Variants in SLC47A2 observed in about 807,000 individuals in gnomAD.
The protein encoded by SLC47A2 is multidrug and toxin extrusion protein 2.
In SLC47A2, 52 loss-of-function variants were observed where a neutral mutation model predicts 67.7. The ratio of observed to expected loss-of-function variants is 0.77; its 90% CI spans 0.61 to 0.97. SLC47A2 has a LOEUF of 0.97. SLC47A2 is among the 50% of genes least tolerant of loss of function. The pLI, the probability that SLC47A2 is intolerant of heterozygous loss-of-function variation, is 0.00. For synonymous variants in SLC47A2, 278 were observed against 292.9 expected, an observed-to-expected ratio of 0.95 and a Z score of 0.52; for missense variants, 676 against 712.3, an observed-to-expected ratio of 0.95 and a Z score of 0.58.
chr17:19,713,776 GC>G (rs2086168145), intron 4 of SLC47A2, 48 bp downstream of exon 4: 2 of 1,581,250 alleles, frequency 1.3e-6, no homozygotes, highest in African/African-American at 2.7e-5. Context: ...TCCCTCGGCG[GC>G]CCGGGTTTCC....
intron 16 of SLC47A2, 138 bp downstream of exon 16, chr17:19,679,814 C>A (rs923898939): frequency 1.1e-4 from 94 of 825,794 alleles, no homozygotes; most frequent in Non-Finnish European, 1.5e-4. Context: ...CTTAGGACAT[C>A]ATTTTCATAA....
Position 19,716,552 on chromosome 17 carries a change from C to A in SLC47A2, c.4G>T (p.Asp2Tyr). The A allele has an allele frequency of 1.2e-6, 2 of 1,601,536 alleles. No homozygotes were observed. Among genetic ancestry groups the A allele is most frequent in the Non-Finnish European group, 1.7e-6 (2 of 1,175,006 alleles). The change falls in exon 1 of 17, where the codon GAC (aspartate) becomes TAC (tyrosine). Residue 2 changes from aspartate (D) to tyrosine (Y), a missense_variant. Physicochemically the swap from Asp to Tyr is radical, Grantham distance 160. Coordinates refer to ENST00000433844, the MANE Select transcript of SLC47A2 (RefSeq NM_001099646.3). M[D>Y]SLQDTVALDH... ...AGGGCCACTGTGTCCTGGAGGCTGT[C>A]CATTCCTGGCCGGGGCACTGGCTAC...
intron 13 of SLC47A2, among the ~76,000 whole-genome samples, chr17:19,684,812 C>T (rs898061865): frequency 2.7e-5 from 4 of 147,878 alleles, no homozygotes; most frequent in African/African-American, 1.1e-4. Context: ...TACTTTTCGC[C>T]CTCTCCCTCT....
At chr17:19,699,705 T>C (rs2085744114) in intron 13 of SLC47A2, among the ~76,000 whole-genome samples, 1 of 152,218 alleles carries the variant, frequency 6.6e-6, no homozygotes, top group South Asian at 2.1e-4. Context: ...GCATGAGCTC[T>C]ACTGCACCTG....
chr17:19,679,152 T>C (rs558617853), intron 16 of SLC47A2, among the ~76,000 whole-genome samples: 2 of 152,316 alleles, frequency 1.3e-5, no homozygotes, highest in South Asian at 4.1e-4. Flanking sequence ...TAGGATCTCA[T>C]GAGGAGTGTT....
At chr17:19,697,821 C>G (rs1055460816) in intron 13 of SLC47A2, among the ~76,000 whole-genome samples, 15 of 151,984 alleles carry the variant, frequency 9.9e-5, no homozygotes, top group Admixed American at 2.6e-4. Context: ...TCTTGACCTC[C>G]CGGGCTCAAG....
At chr17:19,709,752 T>G (rs2086046067) in intron 5 of SLC47A2, among the ~76,000 whole-genome samples, 1 of 152,104 alleles carries the variant, frequency 6.6e-6, no homozygotes, top group South Asian at 2.1e-4. Flanking sequence ...GCAATTAACT[T>G]TTGCAGCTGC....
In SLC47A2 at chr17:19,713,881, G is replaced by T; in HGVS notation, c.387C>A (p.Leu129=). 6.2e-7 allele frequency: 1 copy of T among 1,613,836 alleles called. No individual in the cohort carries two copies. Among genetic ancestry groups the T allele is most frequent in the South Asian group, 1.1e-5 (1 of 91,072 alleles). ...GCAGGATGTGCTGGGTGTTGAGGAAGAGCGCCCAGCAAGGGAGGCAGCAGA... is the reference window on the plus strand; with the variant it reads ...GCAGGATGTGCTGGGTGTTGAGGAATAGCGCCCAGCAAGGGAGGCAGCAGA... ...LLLCCLPCWA[L]FLNTQHILLL... Residue 129 remains leucine (L), a synonymous_variant, in exon 4 of 17, where the codon CTC becomes CTA. Transcript: ENST00000433844.
At chr17:19,707,895 G>T (rs768160500) in intron 7 of SLC47A2, 52 bp from the exon 8 acceptor site, 3 of 1,497,642 alleles carry the variant, frequency 2.0e-6, no homozygotes, top group East Asian at 2.5e-5. Flanking sequence ...CTCTGCCACC[G>T]CCCTGCCTGA....
chr17:19,680,496 C>T (rs2085289956), intron 15 of SLC47A2, among the ~76,000 whole-genome samples: 1 of 152,088 alleles, frequency 6.6e-6, no homozygotes, highest in African/African-American at 2.4e-5. Context: ...ATAAATGTAT[C>T]ATTTTAAATA....
At chr17:19,705,583 T>C in intron 9 of SLC47A2, 80 bp from the exon 10 acceptor site, 2 of 1,403,526 alleles carry the variant, frequency 1.4e-6, no homozygotes, top group Non-Finnish European at 1.9e-6. Context: ...TGCTTTGCTT[T>C]GGGGACTCAG....
chr17:19,714,834 C>A (rs1240131337), intron 2 of SLC47A2, 45 bp from the exon 3 acceptor site: 2 of 1,612,130 alleles, frequency 1.2e-6, no homozygotes, highest in African/African-American at 2.7e-5. Context: ...CAGGTGAGGC[C>A]TGAAGAGAGG....
At chr17:19,691,335 T>G in intron 13 of SLC47A2, among the ~76,000 whole-genome samples, 1 of 152,188 alleles carries the variant, frequency 6.6e-6, no homozygotes, top group South Asian at 2.1e-4. Context: ...TAGCCGAGAT[T>G]TGCAAGCAAC....
chr17:19,681,338 T>C, intron 15 of SLC47A2, 29 bp downstream of exon 15: 1 of 1,559,346 alleles, frequency 6.4e-7, no homozygotes, highest in Non-Finnish European at 8.7e-7. Flanking sequence ...GCAGGGTGTC[T>C]TGTGGCCAGG....
At chr17:19,715,042 C>G in intron 2 of SLC47A2, 74 bp downstream of exon 2, 2 of 1,510,004 alleles carry the variant, frequency 1.3e-6, no homozygotes, top group Admixed American at 1.7e-5. Flanking sequence ...CCACCCAAGA[C>G]GGGCCCACCC....
chr17:19,703,200 C>A lies in SLC47A2; in HGVS notation c.1019-33G>T, dbSNP rs770414422. 10 of 1,605,020 alleles carry A rather than the reference C, an allele frequency of 6.2e-6. No individual in the cohort carries two copies. In the East Asian group the frequency reaches 1.3e-4, roughly 21 times the overall value. On this transcript the variant is annotated intron_variant, in intron 11 of 16. Coordinates refer to ENST00000433844, the MANE Select transcript of SLC47A2 (RefSeq NM_001099646.3). ...AGACAAAAGGTGCAGCAATGACAGACCCCAAGCCAGGAAGCACCCTTGCTC... is the reference window on the plus strand; with the variant it reads ...AGACAAAAGGTGCAGCAATGACAGAACCCAAGCCAGGAAGCACCCTTGCTC...
intron 9 of SLC47A2, among the ~76,000 whole-genome samples, chr17:19,706,233 C>G (rs1292182708): frequency 2.0e-5 from 3 of 152,216 alleles, no homozygotes; most frequent in African/African-American, 7.2e-5. Context: ...ACCGAGTGCT[C>G]TAATGAGCAC....
chr17:19,706,236 A>G (rs927108415), intron 9 of SLC47A2, among the ~76,000 whole-genome samples: 4 of 152,206 alleles, frequency 2.6e-5, no homozygotes, highest in African/African-American at 9.7e-5. Context: ...GAGTGCTCTA[A>G]TGAGCACACA....
chr17:19,705,570 C>T lies in SLC47A2; in HGVS notation c.842-67G>A, dbSNP rs142402090. The T allele has an allele frequency of 2.3e-4, 333 of 1,471,658 alleles. 3 individuals are homozygous for T. In the East Asian group the frequency reaches 5.2e-3, roughly 23 times the overall value. 91.2% of individuals were successfully genotyped at this position (1,471,658 alleles called of 1,614,324 possible). ...ACACCCAGACCCTGCGCCGACAGGA[C>T]GCTGCTTTGCTTTGGGGACTCAGGG... is the stretch of plus-strand genomic sequence containing the variant. On this transcript the variant is annotated intron_variant, in intron 9 of 16. Transcript: ENST00000433844.
Sources: gnomAD v4.1 joint callset for allele counts (sites outside exome capture counted in the v4.1 genomes callset) on GRCh38, gnomAD v4.1.1 for gene constraint, MANE v1.5 for transcripts, NCBI Gene and HGNC (gene_info 2026-07-23, HGNC 2026-07-21) for gene names.